Variants in TBL1XR1 observed in about 807,000 individuals in gnomAD.
TBL1XR1 encodes TBL1X/Y related 1.
In TBL1XR1, 5 loss-of-function variants were observed where a neutral mutation model predicts 66.9. The ratio of observed to expected loss-of-function variants is 0.07; its 90% confidence interval spans 0.04 to 0.16. The LOEUF (loss-of-function observed/expected upper bound fraction) is 0.16. TBL1XR1 is among the 10% of genes least tolerant of loss of function. TBL1XR1 has a pLI of 1.00. For synonymous variants in TBL1XR1, 210 were observed against 206.0 expected (o/e 1.02, Z -0.17); for missense variants, 238 against 623.2 (o/e 0.38, Z 6.58).
intron 10 of TBL1XR1, among the ~76,000 whole-genome samples, chr3:177,045,727 A>G (rs999145280): frequency 6.6e-6 from 1 of 152,162 alleles, no homozygotes; most frequent in African/African-American, 2.4e-5. Flanking sequence ...ATCCCATAAC[A>G]AACAGGTATT....
chr3:177,148,392 TGGCTAAA>T (rs1730491743), intron 1 of TBL1XR1, among the ~76,000 whole-genome samples: 1 of 152,342 alleles, frequency 6.6e-6, no homozygotes, highest in South Asian at 2.1e-4. Flanking sequence ...GCTTCTCTTA[TGGCTAAA>T]GACATGGCAT....
chr3:177,131,622 C>G (rs1053951185), intron 1 of TBL1XR1, among the ~76,000 whole-genome samples: 1 of 151,498 alleles, frequency 6.6e-6, no homozygotes, highest in Non-Finnish European at 1.5e-5. Flanking sequence ...GTGATTCTCC[C>G]GCCTCAGCCT....
At chr3:177,190,355 G>A (rs1490019738) in intron 1 of TBL1XR1, among the ~76,000 whole-genome samples, 1 of 151,958 alleles carries the variant, frequency 6.6e-6, no homozygotes, top group Non-Finnish European at 1.5e-5. Flanking sequence ...TGCTCTTGTT[G>A]ACCAGGCTGG....
At chr3:177,086,020 C>G (rs1461560978) in intron 2 of TBL1XR1, among the ~76,000 whole-genome samples, 1 of 151,964 alleles carries the variant, frequency 6.6e-6, no homozygotes, top group Non-Finnish European at 1.5e-5. Flanking sequence ...GAGAACTAAA[C>G]AAGAGAACTT....
At chr3:177,144,742 G>C (rs998538881) in intron 1 of TBL1XR1, among the ~76,000 whole-genome samples, 1 of 150,856 alleles carries the variant, frequency 6.6e-6, no homozygotes, top group Non-Finnish European at 1.5e-5. Flanking sequence ...GACAGAGGGA[G>C]ACTCCGTCCC....
At position 177,122,770 on chromosome 3, in the gene TBL1XR1, G is replaced by A. The variant is rs143945286; in HGVS notation, c.-121-24229C>T. Among the ~76,000 whole-genome samples the A allele has an allele frequency of 1.6e-3, 251 of 152,226 alleles. 2 individuals are homozygous for A. The highest frequency in any genetic ancestry group is 5.9e-3 in the African/African-American group (244 of 41,550). On this transcript the variant is annotated intron_variant, in intron 1 of 15. Transcript: ENST00000457928. ...CAGAAGATCACATAAGTGCAGAAAAGACTCATGATTAAATATTAGTCGTTT... is the reference window on the plus strand; with the variant it reads ...CAGAAGATCACATAAGTGCAGAAAAAACTCATGATTAAATATTAGTCGTTT...
intron 1 of TBL1XR1, among the ~76,000 whole-genome samples, chr3:177,148,737 C>T (rs878937075): frequency 4.0e-5 from 6 of 151,330 alleles, no homozygotes; most frequent in Non-Finnish European, 8.8e-5. Context: ...TGGCTGGGTG[C>T]GATGGCTCAC....
At chr3:177,180,092 C>T (rs1734620663) in intron 1 of TBL1XR1, among the ~76,000 whole-genome samples, 1 of 151,920 alleles carries the variant, frequency 6.6e-6, no homozygotes. Flanking sequence ...AAAAAATTAG[C>T]CAGGCATGGT....
At chr3:177,123,462 G>A (rs1727231097) in intron 1 of TBL1XR1, among the ~76,000 whole-genome samples, 2 of 151,908 alleles carry the variant, frequency 1.3e-5, no homozygotes, top group Non-Finnish European at 2.9e-5. Flanking sequence ...CTACAATTGG[G>A]CAAACAAGAT....
intron 2 of TBL1XR1, among the ~76,000 whole-genome samples, chr3:177,071,037 T>TTTTTTTTTTG (rs1553825646): frequency 6.9e-6 from 1 of 144,028 alleles, no homozygotes; most frequent in African/African-American, 2.6e-5. Flanking sequence ...ATCTGTTTTT[T>TTTTTTTTTTG]TTTTTTTTTT....
At chr3:177,112,911 G>T (rs1725831076) in intron 1 of TBL1XR1, among the ~76,000 whole-genome samples, 1 of 152,196 alleles carries the variant, frequency 6.6e-6, no homozygotes. Context: ...GCTGAGGCAG[G>T]AGAATCGCTT....
At position 177,033,027 on chromosome 3, in the gene TBL1XR1, C is replaced by T. The variant is rs1160837955; in HGVS notation, c.1360G>A (p.Gly454Ser). Residue 454 changes from glycine (G) to serine (S), a missense_variant, in exon 14 of 16, where the codon GGC (glycine) becomes AGC (serine). Physicochemically the swap from Gly to Ser is moderately conservative, Grantham distance 56 (BLOSUM62 0). This residue lies in a region of TBL1XR1 where 26 missense variants were observed against 35.1 expected (regional missense o/e 0.74). Transcript: ENST00000457928. The stretch of plus-strand genomic sequence containing the variant: ...AAAGAACCACTTGCCAGATACCTGC[C>T]ATCAGGACTGAAAGCTACACTGTAC... ...PVYSVAFSPD[G>S]RYLASGSFDK... 1 of 1,607,924 alleles carries T rather than the reference C, an allele frequency of 6.2e-7. No homozygotes were observed. The highest frequency in any genetic ancestry group is 1.7e-5 in the Admixed American group (1 of 59,390).
intron 1 of TBL1XR1, among the ~76,000 whole-genome samples, chr3:177,168,499 C>T (rs944902857): frequency 7.2e-5 from 11 of 152,118 alleles, no homozygotes; most frequent in African/African-American, 2.7e-4. Context: ...CCAGGCTGGT[C>T]TTGAACTCCT....
intron 3 of TBL1XR1, among the ~76,000 whole-genome samples, chr3:177,063,259 TAGAAAA>T (rs1321461430): frequency 2.6e-5 from 4 of 152,216 alleles, no homozygotes; most frequent in South Asian, 2.1e-4. Context: ...GACTTTTGTT[TAGAAAA>T]AGAAAAATAT....
intron 1 of TBL1XR1, among the ~76,000 whole-genome samples, chr3:177,127,341 A>G (rs1442825626): frequency 1.3e-5 from 2 of 152,204 alleles, no homozygotes; most frequent in Non-Finnish European, 2.9e-5. Context: ...ATCATTAAAA[A>G]TTCTTCTACG....
At chr3:177,051,830 A>C (rs1429363735) in intron 4 of TBL1XR1, 104 bp from the exon 5 acceptor site, 2 of 1,359,398 alleles carry the variant, frequency 1.5e-6, no homozygotes, top group African/African-American at 1.5e-5. Context: ...GTTCCTAAAA[A>C]AACATTTTTA....
At chr3:177,169,610 C>CA (rs1733226033) in intron 1 of TBL1XR1, among the ~76,000 whole-genome samples, 1 of 152,210 alleles carries the variant, frequency 6.6e-6, no homozygotes, top group South Asian at 2.1e-4. Context: ...AGAGAAATGA[C>CA]AAAGACTTCC....
intron 1 of TBL1XR1, among the ~76,000 whole-genome samples, chr3:177,134,049 C>T (rs1434467789): frequency 6.6e-6 from 1 of 151,970 alleles, no homozygotes; most frequent in African/African-American, 2.4e-5. Flanking sequence ...GAACATAACT[C>T]CAGCTAGGCA....
chr3:177,034,582 T>C (rs1450122702), intron 12 of TBL1XR1, among the ~76,000 whole-genome samples: 1 of 152,138 alleles, frequency 6.6e-6, no homozygotes, highest in Non-Finnish European at 1.5e-5. Context: ...GAATTAACTA[T>C]AGTTGTTCTG....
Sources: allele counts gnomAD v4.1 joint callset (sites outside exome capture counted in the v4.1 genomes callset), GRCh38; gene constraint gnomAD v4.1.1; regional missense constraint gnomAD v4.1.1; transcripts MANE v1.5; gene names NCBI Gene and HGNC (gene_info 2026-07-23, HGNC 2026-07-21).